Variants in PAG1 observed in about 807,000 individuals in gnomAD.
PAG1 encodes the protein phosphoprotein membrane anchor with glycosphingolipid microdomains 1.
In PAG1, 23 loss-of-function variants were observed where a neutral mutation model predicts 31.7. That is an observed-to-expected ratio of 0.73 (90% CI 0.52 to 1.03). The LOEUF (loss-of-function observed/expected upper bound fraction) is 1.03, where lower values mean the gene tolerates loss of function less well. Ranked by LOEUF, PAG1 falls within the 50% of genes least tolerant of loss-of-function variation. PAG1 has a pLI of 0.00. For missense variants in PAG1, 473 were observed against 540.7 expected (o/e 0.87, Z 1.24); for synonymous variants, 214 against 210.3 (o/e 1.02, Z -0.15).
intron 1 of PAG1, among the ~76,000 whole-genome samples, chr8:81,070,572 C>T (rs998751922): frequency 6.6e-6 from 1 of 151,942 alleles, no homozygotes; most frequent in African/African-American, 2.4e-5. Flanking sequence ...CAAACACAGA[C>T]CCCTAGAGCC....
At chr8:81,048,513 GC>G (rs1225131260) in intron 2 of PAG1, among the ~76,000 whole-genome samples, 2 of 152,196 alleles carry the variant, frequency 1.3e-5, no homozygotes, top group Non-Finnish European at 1.5e-5. Context: ...GATTCTCTGG[GC>G]CCAGAGAGGC....
intron 3 of PAG1, among the ~76,000 whole-genome samples, chr8:81,005,831 C>A (rs114161707): frequency 6.6e-6 from 1 of 152,168 alleles, no homozygotes; most frequent in East Asian, 1.9e-4. Flanking sequence ...CACTCCCTGA[C>A]GTTCTCCCAG....
At chr8:81,026,931 A>G (rs903349246) in intron 3 of PAG1, among the ~76,000 whole-genome samples, 4 of 152,204 alleles carry the variant, frequency 2.6e-5, no homozygotes, top group African/African-American at 9.6e-5. Context: ...TGGAAAGAAT[A>G]AAGGGAGTTT....
At chr8:81,008,796 G>A (rs1807930734) in intron 3 of PAG1, among the ~76,000 whole-genome samples, 1 of 152,054 alleles carries the variant, frequency 6.6e-6, no homozygotes, top group Non-Finnish European at 1.5e-5. Context: ...CAGTCCTACT[G>A]ACATGAGCTC....
intron 2 of PAG1, among the ~76,000 whole-genome samples, chr8:81,046,289 C>A (rs932934565): frequency 1.3e-5 from 2 of 152,164 alleles, no homozygotes; most frequent in African/African-American, 4.8e-5. Context: ...GTTTAGCAAG[C>A]CTTCTGAATA....
intron 1 of PAG1, among the ~76,000 whole-genome samples, chr8:81,101,870 A>G (rs1167740916): frequency 6.6e-6 from 1 of 152,200 alleles, no homozygotes; most frequent in Admixed American, 6.5e-5. Context: ...AATAAGAAAA[A>G]TAAGACAAAG....
chr8:81,098,306 A>G lies in PAG1; in HGVS notation c.-234+13285T>C, dbSNP rs370495434. Among the ~76,000 whole-genome samples the G allele has an allele frequency of 2.6e-5, 4 of 152,222 alleles. No homozygotes were observed. In the East Asian group the frequency reaches 5.8e-4, roughly 22 times the overall value. ...ATGCAAAATTCAATAATTTGCAACA[A>G]GTCTTTAATGTCTTGGTTTGGACTG... On this transcript the variant is annotated intron_variant, in intron 1 of 8. Coordinates refer to ENST00000220597, the MANE Select transcript of PAG1 (RefSeq NM_018440.4).
chr8:81,085,983 T>TTG (rs1168474278), intron 1 of PAG1, among the ~76,000 whole-genome samples: 4 of 123,266 alleles, frequency 3.2e-5, no homozygotes, highest in Non-Finnish European at 6.6e-5. Flanking sequence ...TTTTTTTTTT[T>TTG]TTTTTTTTTT....
At chr8:81,043,573 G>C (rs1414657175) in intron 2 of PAG1, among the ~76,000 whole-genome samples, 1 of 152,200 alleles carries the variant, frequency 6.6e-6, no homozygotes, top group Admixed American at 6.5e-5. Context: ...AATGAATGGT[G>C]TGGTTATACT....
At position 80,990,367 on chromosome 8, in the gene PAG1, G is replaced by A. The variant is rs919322007; in HGVS notation, c.177+1112C>T. ...GATGCCCCTGGTCATCTCTGCAAAC[G>A]TCTGCTGGCTGCGGGTTTTACGCCA... is the stretch of plus-strand genomic sequence containing the variant. On this transcript the variant is annotated intron_variant, in intron 5 of 8. Coordinates refer to ENST00000220597, the MANE Select transcript of PAG1 (RefSeq NM_018440.4). This position sits in a 1 kb window ranked among gnomAD's most constrained non-coding sequence, Gnocchi z 5.1. Among the ~76,000 whole-genome samples, 1 of 152,088 alleles carries A rather than the reference G, an allele frequency of 6.6e-6. No homozygotes were observed. Among genetic ancestry groups the A allele is most frequent in the East Asian group, 1.9e-4 (1 of 5,176 alleles).
At chr8:81,003,570 AG>A (rs1807824693) in intron 3 of PAG1, among the ~76,000 whole-genome samples, 1 of 152,162 alleles carries the variant, frequency 6.6e-6, no homozygotes, top group South Asian at 2.1e-4. Context: ...GCTACGTAGA[AG>A]TACAGACCAG....
At chr8:81,022,242 T>C (rs1213673510) in intron 3 of PAG1, among the ~76,000 whole-genome samples, 1 of 152,246 alleles carries the variant, frequency 6.6e-6, no homozygotes, top group Admixed American at 6.5e-5. Context: ...GAAAGCTAAC[T>C]GCAATTCAGA....
intron 3 of PAG1, among the ~76,000 whole-genome samples, chr8:81,015,418 C>T (rs1053805470): frequency 6.6e-6 from 1 of 152,178 alleles, no homozygotes; most frequent in Admixed American, 6.5e-5. Flanking sequence ...GCATATTCTA[C>T]ACATTGCAGC....
At chr8:81,099,406 A>C (rs756427202) in intron 1 of PAG1, among the ~76,000 whole-genome samples, 1 of 152,224 alleles carries the variant, frequency 6.6e-6, no homozygotes, top group African/African-American at 2.4e-5. Context: ...AAAGCTGAGA[A>C]ACAGGCACAC....
intron 1 of PAG1, among the ~76,000 whole-genome samples, chr8:81,088,551 C>A (rs527284215): frequency 2.6e-5 from 4 of 152,108 alleles, no homozygotes; most frequent in Non-Finnish European, 5.9e-5. Flanking sequence ...AGACAAACAG[C>A]AAAATGACTA....
chr8:80,998,041 C>A (rs1317761324), intron 3 of PAG1, among the ~76,000 whole-genome samples: 2 of 152,046 alleles, frequency 1.3e-5, no homozygotes, highest in Non-Finnish European at 2.9e-5. Context: ...TACTCTCTTA[C>A]CCTTTTATAT....
chr8:80,982,640 A>G (rs1807331842), intron 7 of PAG1, among the ~76,000 whole-genome samples: 1 of 152,152 alleles, frequency 6.6e-6, no homozygotes, highest in Admixed American at 6.5e-5. Context: ...GATAAGCTCT[A>G]CTTGGAAGTC....
intron 3 of PAG1, among the ~76,000 whole-genome samples, chr8:80,997,849 A>G (rs1329770156): frequency 6.6e-6 from 1 of 152,214 alleles, no homozygotes; most frequent in Non-Finnish European, 1.5e-5. Flanking sequence ...ACAAGCATAT[A>G]GTATTGCTGT....
intron 2 of PAG1, among the ~76,000 whole-genome samples, chr8:81,043,689 G>A (rs764166228): frequency 6.6e-6 from 1 of 152,234 alleles, no homozygotes; most frequent in Non-Finnish European, 1.5e-5. Flanking sequence ...CAGCACATGA[G>A]TGAGTATAGA....
Sources: allele counts gnomAD v4.1 joint callset (sites outside exome capture counted in the v4.1 genomes callset), GRCh38; gene constraint gnomAD v4.1.1; non-coding constraint Gnocchi (gnomAD v3.1); transcripts MANE v1.5; gene names NCBI Gene and HGNC (gene_info 2026-07-23, HGNC 2026-07-21).